GALNT16: variants seen among roughly 807,000 people sequenced by gnomAD.
The protein encoded by GALNT16 is UDP-GalNAc:polypeptide N-acetylgalactosaminyltransferase-like protein 1.
Under a neutral mutation model 76.1 loss-of-function variants are expected in GALNT16, and 40 were observed. The ratio of observed to expected loss-of-function variants is 0.53; its 90% CI spans 0.41 to 0.68. GALNT16 has a LOEUF of 0.68. Among genes scored for constraint, GALNT16 ranks in the 30% least tolerant of loss-of-function variants. The pLI is 0.00. For missense variants in GALNT16, 621 were observed against 731.9 expected (o/e 0.85, Z 1.75); for synonymous variants, 276 against 285.2 (o/e 0.97, Z 0.32).
the GALNT16 span, chr14:69,380,708 TTA>T: frequency 2.3e-6 from 2 of 856,564 alleles, no homozygotes; most frequent in South Asian, 2.8e-5. Flanking sequence ...AATCCCCAAA[TTA>T]TAACTGCCCA....
At chr14:69,269,599 T>C (rs982399906) in intron 1 of GALNT16, among the ~76,000 whole-genome samples, 3 of 149,598 alleles carry the variant, frequency 2.0e-5, no homozygotes, top group Non-Finnish European at 4.5e-5. Flanking sequence ...GGGGTTTGTA[T>C]GTATGTGTGT....
intron 1 of GALNT16, among the ~76,000 whole-genome samples, chr14:69,275,107 A>G (rs528622215): frequency 2.0e-5 from 3 of 152,310 alleles, no homozygotes; most frequent in Non-Finnish European, 4.4e-5. Context: ...AAAGGATTGG[A>G]ACGAGAAAGG....
intron 1 of GALNT16, among the ~76,000 whole-genome samples, chr14:69,301,417 G>A (rs1385614171): frequency 1.3e-5 from 2 of 152,076 alleles, no homozygotes; most frequent in African/African-American, 2.4e-5. Flanking sequence ...GCAGTGGTGT[G>A]ATCTCTGCTC....
intron 1 of GALNT16, among the ~76,000 whole-genome samples, chr14:69,303,719 T>C (rs1295836159): frequency 6.6e-6 from 1 of 152,228 alleles, no homozygotes; most frequent in African/African-American, 2.4e-5. Flanking sequence ...CCGTAATTTT[T>C]ACACAACTGC....
chr14:69,360,654 A>G (rs577472082), downstream of GALNT16, among the ~76,000 whole-genome samples: 10 of 151,810 alleles, frequency 6.6e-5, no homozygotes, highest in Non-Finnish European at 1.3e-4. Context: ...AGAGGAGAGG[A>G]GAGAAGAATA....
upstream of GALNT16, chr14:69,260,137 C>CG: frequency 1.8e-5 from 2 of 113,958 alleles, no homozygotes; most frequent in Non-Finnish European, 3.6e-5. Context: ...CTCCCTATCA[C>CG]CCCCCCGCCC....
chr14:69,299,242 C>A (rs549448309), intron 1 of GALNT16, among the ~76,000 whole-genome samples: 5 of 152,302 alleles, frequency 3.3e-5, no homozygotes, highest in Non-Finnish European at 7.4e-5. Context: ...TTTCTTGAAT[C>A]CACTCCAGTG....
intron 1 of GALNT16, among the ~76,000 whole-genome samples, chr14:69,283,533 A>G (rs2044571133): frequency 6.6e-6 from 1 of 152,142 alleles, no homozygotes; most frequent in Non-Finnish European, 1.5e-5. Context: ...GCTTTGTGTA[A>G]TGTGCCAGGG....
At chr14:69,306,037 G>A (rs1261093117) in intron 1 of GALNT16, among the ~76,000 whole-genome samples, 2 of 152,086 alleles carry the variant, frequency 1.3e-5, no homozygotes, top group African/African-American at 2.4e-5. Flanking sequence ...TCATCATTGC[G>A]TATTCTTGGC....
In GALNT16 at chr14:69,326,032, G is replaced by C. The variant is rs1192953731; in HGVS notation, c.568+5G>C. On this transcript the variant is annotated splice_donor_5th_base_variant and intron_variant, in intron 5 of 14. Transcript: ENST00000448469. ...TGCGCAATGATCGGCGGGAAGGTGAGTCCTTGCACCCTGGGTCCCACCAAG... is the reference window on the plus strand; with the variant it reads ...TGCGCAATGATCGGCGGGAAGGTGACTCCTTGCACCCTGGGTCCCACCAAG... The C allele has an allele frequency of 6.2e-7, 1 of 1,611,666 alleles. No homozygotes were observed. The highest frequency in any genetic ancestry group is 1.3e-5 in the African/African-American group (1 of 74,866).
chr14:69,327,596 G>C (rs955170791), intron 5 of GALNT16, among the ~76,000 whole-genome samples: 2 of 152,206 alleles, frequency 1.3e-5, no homozygotes, highest in African/African-American at 4.8e-5. Context: ...GCTTTTGGCT[G>C]GCTGGCGGGC....
chr14:69,304,412 G>A (rs146499393), intron 1 of GALNT16, among the ~76,000 whole-genome samples: 211 of 152,228 alleles, frequency 1.4e-3, no homozygotes, highest in African/African-American at 5.0e-3. Context: ...GAAAATGTAG[G>A]GCTTTTAATT....
chr14:69,268,008 A>C (rs997556044), intron 1 of GALNT16, among the ~76,000 whole-genome samples: 3 of 152,192 alleles, frequency 2.0e-5, no homozygotes, highest in African/African-American at 4.8e-5. Context: ...GTAACCTTTA[A>C]ATTCTCATAA....
chr14:69,280,088 A>G (rs190294407), intron 1 of GALNT16, among the ~76,000 whole-genome samples: 1 of 152,248 alleles, frequency 6.6e-6, no homozygotes, highest in Non-Finnish European at 1.5e-5. Context: ...GTACAATTCA[A>G]TGGCATTAAA....
the GALNT16 span, among the ~76,000 whole-genome samples, chr14:69,373,546 T>C: frequency 1.3e-5 from 2 of 152,198 alleles, no homozygotes; most frequent in Non-Finnish European, 2.9e-5. Flanking sequence ...AGAAAGGGTA[T>C]GCTAGATATG....
the GALNT16 span, chr14:69,380,735 G>A: frequency 3.0e-6 from 2 of 666,384 alleles, no homozygotes; most frequent in Non-Finnish European, 5.4e-6. Context: ...TGGCATAGAT[G>A]TGCACATTTC....
the GALNT16 span, among the ~76,000 whole-genome samples, chr14:69,382,696 G>C: frequency 2.0e-5 from 3 of 151,718 alleles, no homozygotes; most frequent in African/African-American, 7.3e-5. Context: ...AAAATTAGCT[G>C]GGCGTGGTGG....
At chr14:69,377,062 C>G in the GALNT16 span, among the ~76,000 whole-genome samples, 61 of 152,274 alleles carry the variant, frequency 4.0e-4, no homozygotes, top group Non-Finnish European at 7.1e-4. Flanking sequence ...GGAATACTCC[C>G]GTGGAAGAGA....
chr14:69,338,659 T>C lies in GALNT16; in HGVS notation c.976T>C (p.Phe326Leu). Residue 326 changes from phenylalanine (F) to leucine (L), a missense_variant, in exon 10 of 15, where the codon TTC becomes CTC. Coordinates refer to ENST00000448469, the MANE Select transcript of GALNT16 (RefSeq NM_001168368.2). ...IWGGENFELS[F>L]RVWMCGGSLE... The stretch of plus-strand genomic sequence containing the variant: ...GCTACTATTTCCTGCAGAGCTCTCC[T>C]TCAGGGTGTGGATGTGTGGTGGCAG... The C allele has an allele frequency of 6.2e-7, 1 of 1,613,918 alleles. No homozygotes were observed. Among genetic ancestry groups the C allele is most frequent in the Non-Finnish European group, 8.5e-7 (1 of 1,179,864 alleles).
Sources: allele counts gnomAD v4.1 joint callset (sites outside exome capture counted in the v4.1 genomes callset), GRCh38; gene constraint gnomAD v4.1.1; transcripts MANE v1.5; gene names NCBI Gene and HGNC (gene_info 2026-07-23, HGNC 2026-07-21).